DTX2: variants seen among roughly 807,000 people sequenced by gnomAD.
The protein encoded by DTX2 is probable E3 ubiquitin-protein ligase DTX2.
A neutral mutation model predicts 55.3 loss-of-function variants in DTX2; 29 were observed. The observed-to-expected ratio is 0.52, with a 90% confidence interval of 0.39 to 0.71. The LOEUF (loss-of-function observed/expected upper bound fraction) is 0.71, where lower values mean the gene tolerates loss of function less well. Ranked by LOEUF, DTX2 falls within the 30% of genes least tolerant of loss-of-function variation. The probability of loss-of-function intolerance (pLI) is 0.00; values close to 1 mark genes in which losing one functional copy is unlikely to be tolerated. For synonymous variants in DTX2, 276 were observed against 340.4 expected (o/e 0.81, Z 2.08); for missense variants, 537 against 822.5 (o/e 0.65, Z 4.25).
At chr7:76,483,452 C>T (rs1292564486) in intron 4 of DTX2, among the ~76,000 whole-genome samples, 4 of 152,270 alleles carry the variant, frequency 2.6e-5, no homozygotes, top group East Asian at 1.9e-4. Flanking sequence ...GGCTGCATGG[C>T]GAGCATTGTG....
chr7:76,467,146 G>A (rs1363784622), intron 2 of DTX2, among the ~76,000 whole-genome samples: 1 of 151,436 alleles, frequency 6.6e-6, no homozygotes, highest in Non-Finnish European at 1.5e-5. Context: ...CAATTCACCC[G>A]CCTTGGCCTC....
At chr7:76,468,094 G>A (rs1464296253) in intron 2 of DTX2, among the ~76,000 whole-genome samples, 1 of 152,294 alleles carries the variant, frequency 6.6e-6, no homozygotes, top group Non-Finnish European at 1.5e-5. Context: ...AGGGGAGAGG[G>A]AGGCCAGGGC....
chr7:76,482,734 T>G lies in DTX2; in HGVS notation c.495T>G (p.Thr165=), dbSNP rs1809397459. The stretch of plus-strand genomic sequence containing the variant: ...CCACCCACACGCAGACCAACAAGAC[T>G]TCCAGCTTCTGCCGCAGCGTGCGGC... ...NYTTHTQTNK[T]SSFCRSVRRQ... is the part of the protein sequence containing the mutation. Residue 165 remains threonine, a synonymous_variant, in exon 4 of 11, where the codon ACT becomes ACG. Transcript: ENST00000430490. 6.2e-7 allele frequency: 1 copy of G among 1,613,720 alleles called. No individual in the cohort carries two copies. The highest frequency in any genetic ancestry group is 1.3e-5 in the African/African-American group (1 of 74,880).
chr7:76,502,223 C>G (rs1811786173), intron 7 of DTX2, 75 bp from the exon 8 acceptor site: 1 of 1,462,596 alleles, frequency 6.8e-7, no homozygotes, highest in East Asian at 2.3e-5. Context: ...CACATGAAAG[C>G]CTCTTTTTCC....
In DTX2 at chr7:76,480,745, T is replaced by G; in HGVS notation, c.236T>G (p.Leu79Arg). ...TCGCTGGCCCCTTACATTATTGACC[T>G]CCCCAGCTGGACCCAGTTCCGCCAG... ...DPSLAPYIID[L>R]PSWTQFRQDT... Residue 79 changes from leucine (L) to arginine (R), a missense_variant, in exon 3 of 11, where the codon CTC becomes CGC. Leu to Arg is a moderately radical substitution (Grantham distance 102). Coordinates refer to ENST00000430490, the MANE Select transcript of DTX2 (RefSeq NM_001102594.3). 6.2e-7 allele frequency: 1 copy of G among 1,610,794 alleles called. No homozygotes were observed. Among genetic ancestry groups the G allele is most frequent in the East Asian group, 2.2e-5 (1 of 44,816 alleles).
chr7:76,502,064 C>A (rs1057426450), intron 7 of DTX2: 44 of 528,364 alleles, frequency 8.3e-5, no homozygotes, highest in Non-Finnish European at 1.4e-4. Context: ...TTTTTGTATT[C>A]TTAGTAGAGA....
At chr7:76,476,402 T>C (rs1799189) in intron 2 of DTX2, among the ~76,000 whole-genome samples, 73,624 of 140,992 alleles carry the variant, frequency 0.52, 19,961 homozygotes, top group African/African-American at 0.61. Context: ...CCTGTGCCCC[T>C]GGAGCAGAAG....
intron 2 of DTX2, among the ~76,000 whole-genome samples, chr7:76,467,976 C>T (rs534499939): frequency 3.3e-5 from 5 of 152,378 alleles, no homozygotes; most frequent in South Asian, 2.1e-4. Context: ...TTGAGGGGCT[C>T]GGGCAGGGCA....
At chr7:76,474,075 C>A (rs545245337) in intron 2 of DTX2, among the ~76,000 whole-genome samples, 112 of 150,928 alleles carry the variant, frequency 7.4e-4, no homozygotes, top group Non-Finnish European at 1.3e-3. Context: ...GCATGTGCCA[C>A]CACGCCCGGC....
rs1809051818 is a variant in DTX2, at chr7:76,480,474, A to G, written c.-36A>G. On this transcript the variant is annotated 5_prime_UTR_variant, in exon 3 of 11. The change abolishes the stop of an existing upstream ORF in the 5' untranslated region. Transcript: ENST00000430490. ...CGGGACTCCAGGCCAGAGGGGTCTGAAGCTGTTTGGGAAAGCAGCGGGACT... is the reference window on the plus strand; with the variant it reads ...CGGGACTCCAGGCCAGAGGGGTCTGGAGCTGTTTGGGAAAGCAGCGGGACT... The G allele has an allele frequency of 6.5e-7, 1 of 1,533,640 alleles. No homozygotes were observed. Among genetic ancestry groups the G allele is most frequent in the Admixed American group, 2.1e-5 (1 of 48,568 alleles).
chr7:76,466,950 G>A (rs1444552195), intron 2 of DTX2, among the ~76,000 whole-genome samples: 1 of 151,834 alleles, frequency 6.6e-6, no homozygotes, highest in African/African-American at 2.4e-5. Flanking sequence ...CAGGCAGCTG[G>A]AGTGCAGTGG....
chr7:76,505,333 C>G lies in DTX2; in HGVS notation c.1642-41C>G. 1 of 1,513,024 alleles carries G rather than the reference C, an allele frequency of 6.6e-7. No homozygotes were observed. The highest frequency in any genetic ancestry group is 2.5e-5 in the East Asian group (1 of 40,712). 93.7% of individuals were successfully genotyped at this position (1,513,024 alleles called of 1,614,324 possible). ...CTGCTCACTGAGCCCCTCTCACTCT[C>G]CGTCCCCTCCTTCCTCTTCCCCCTC... is the stretch of plus-strand genomic sequence containing the variant. On this transcript the variant is annotated intron_variant, in intron 10 of 10. Coordinates refer to ENST00000430490, the MANE Select transcript of DTX2 (RefSeq NM_001102594.3). The surrounding 1 kb of genome is among the most constrained non-coding windows in gnomAD (Gnocchi z 4.4).
chr7:76,483,465 C>T lies in DTX2; in HGVS notation c.908+318C>T, dbSNP rs1420592652. Among the ~76,000 whole-genome samples, 3 of 152,238 alleles carry T rather than the reference C, an allele frequency of 2.0e-5. No individual in the cohort carries two copies. The East Asian group carries it at 5.8e-4, about 29-fold the overall frequency. On this transcript the variant is annotated intron_variant, in intron 4 of 10. Transcript: ENST00000430490. Reference sequence around the variant, plus strand: ...CGGGCTGCATGGCGAGCATTGTGCCCGAGAACACTGGGTCACTGCCTGTAC... The same window carrying T: ...CGGGCTGCATGGCGAGCATTGTGCCTGAGAACACTGGGTCACTGCCTGTAC...
chr7:76,479,618 A>G (rs1808936632), intron 2 of DTX2, among the ~76,000 whole-genome samples: 3 of 128,690 alleles, frequency 2.3e-5, no homozygotes, highest in Admixed American at 8.0e-5. Flanking sequence ...CGTCTCTACT[A>G]AAAATACAAA....
At position 76,503,515 on chromosome 7, in the gene DTX2, C is replaced by A. The variant is rs1373535787; in HGVS notation, c.1479C>A (p.Phe493Leu). ...QPQGKMEVLR[F>L]QMSLPGHEDC... ...AGGGAAAGATGGAGGTATTACGGTT[C>A]CAGATGTCGCTCCCCGGCCACGAGG... Residue 493 changes from phenylalanine to leucine, a missense_variant, in exon 9 of 11, where the codon TTC (phenylalanine) becomes TTA (leucine). By Grantham distance (22) the Phe-to-Leu change is conservative. Transcript: ENST00000430490. 3.7e-6 allele frequency: 6 copies of A among 1,612,792 alleles called. No homozygotes were observed. The highest frequency in any genetic ancestry group is 3.3e-5 in the Admixed American group (2 of 59,988).
intron 2 of DTX2, chr7:76,478,704 C>T (rs1808821221): frequency 1.0e-5 from 1 of 98,336 alleles, no homozygotes; most frequent in African/African-American, 3.9e-5. Flanking sequence ...TGAGCCACCA[C>T]ACCCAGTCCC....
At chr7:76,501,036 A>G (rs577851659) in intron 7 of DTX2, among the ~76,000 whole-genome samples, 24 of 152,052 alleles carry the variant, frequency 1.6e-4, no homozygotes, top group South Asian at 1.5e-3. Flanking sequence ...AACAGGACCA[A>G]TCAGACTCCT....
intron 2 of DTX2, among the ~76,000 whole-genome samples, chr7:76,468,267 A>G (rs1181012703): frequency 6.6e-6 from 1 of 151,958 alleles, no homozygotes; most frequent in Non-Finnish European, 1.5e-5. Flanking sequence ...TGCAGAGGGC[A>G]GGGCGTGTTG....
Position 76,465,237 on chromosome 7 carries a change from A to C in DTX2, c.-90+1528A>C, listed in dbSNP as rs1464216279. On this transcript the variant is annotated intron_variant, in intron 2 of 10. Transcript: ENST00000430490. ...GTGGGATTCAGGGTGAAGCAGAGTC[A>C]TGGGGGTGGGGACAGACACGCTGAT... Among the ~76,000 whole-genome samples, 22 of 145,636 alleles carry C rather than the reference A, an allele frequency of 1.5e-4. No homozygotes were observed. In the East Asian group the frequency reaches 3.2e-3, roughly 21 times the overall value.
Sources: gnomAD v4.1 joint callset for allele counts (sites outside exome capture counted in the v4.1 genomes callset) on GRCh38, gnomAD v4.1.1 for gene constraint, Gnocchi (gnomAD v3.1) non-coding constraint, MANE v1.5 for transcripts, NCBI Gene and HGNC (gene_info 2026-07-23, HGNC 2026-07-21) for gene names.